Variants in STMN1 observed in about 807,000 individuals in gnomAD.
STMN1 encodes the protein stathmin.
Under a neutral mutation model 19.7 loss-of-function variants are expected in STMN1, and 3 were observed. The ratio of observed to expected loss-of-function variants is 0.15; its 90% CI spans 0.07 to 0.39. STMN1 has a LOEUF of 0.39. STMN1 is among the 10% of genes least tolerant of loss of function. The pLI, the probability that STMN1 is intolerant of heterozygous loss-of-function variation, is 1.00. For synonymous variants in STMN1, 59 were observed against 58.9 expected, an observed-to-expected ratio of 1.00 and a Z score of -0.01; for missense variants, 99 against 176.0, an observed-to-expected ratio of 0.56 and a Z score of 2.48.
rs549103907 is a variant in STMN1, at chr1:25,902,696, A to G, written c.186+945T>C. 4 of 152,346 alleles carry G rather than the reference A, an allele frequency of 2.6e-5. No individual in the cohort carries two copies. In the East Asian group the frequency reaches 5.8e-4, roughly 22 times the overall value. The allele number at this position is 152,346 out of a possible 1,614,324, so 9.4% of individuals were successfully genotyped here. On this transcript the variant is annotated intron_variant, in intron 3 of 4. Transcript: ENST00000455785. ...AGCACAGGCTAATGACTACAGGGCCAGGGTTGATGTCTAAAAAGCTTTCCA... is the reference window on the plus strand; with the variant it reads ...AGCACAGGCTAATGACTACAGGGCCGGGGTTGATGTCTAAAAAGCTTTCCA...
chr1:25,896,740 C>G (rs1278443813), downstream of STMN1, among the ~76,000 whole-genome samples: 1 of 152,202 alleles, frequency 6.6e-6, no homozygotes, highest in East Asian at 1.9e-4. Flanking sequence ...TTCCTACGCC[C>G]TTAAGTACAG....
chr1:25,901,277 C>CT (rs771895650), intron 4 of STMN1, 190 bp from the exon 5 acceptor site: 14 of 1,214,578 alleles, frequency 1.2e-5, no homozygotes, highest in Non-Finnish European at 1.3e-5. Flanking sequence ...CTTGTAGAAC[C>CT]TAACAAGCTG....
intron 1 of STMN1, 143 bp from the exon 2 acceptor site, chr1:25,904,881 T>A: frequency 2.0e-6 from 1 of 489,826 alleles, no homozygotes; most frequent in Non-Finnish European, 3.6e-6. Context: ...CGAAAAAAAT[T>A]ATCAAAATCT....
intron 4 of STMN1, among the ~76,000 whole-genome samples, chr1:25,887,005 C>T (rs2048727714): frequency 1.3e-5 from 2 of 152,140 alleles, no homozygotes; most frequent in African/African-American, 2.4e-5. Context: ...CTTGGATGCC[C>T]TTTCCTGTAC....
chr1:25,904,611 A>G (rs1449122526), intron 2 of STMN1, 53 bp downstream of exon 2: 6 of 1,555,566 alleles, frequency 3.9e-6, no homozygotes, highest in African/African-American at 2.7e-5. Context: ...AGCCATCTCA[A>G]TCTAAAATCA....
At position 25,900,439 on chromosome 1, in the gene STMN1, G is replaced by T. The variant is rs766002047; in HGVS notation, c.*577C>A. ...CCACACTGGGGCAAGAAACGGGGCA[G>T]AGAACGTGCGGTCATTTGTGCGTTG... On this transcript the variant is annotated 3_prime_UTR_variant, in exon 5 of 5. Coordinates refer to ENST00000455785, the MANE Select transcript of STMN1 (RefSeq NM_005563.4). 1.2e-4 allele frequency: 121 copies of T among 985,744 alleles called. No homozygotes were observed. Among genetic ancestry groups the T allele is most frequent in the Non-Finnish European group, 1.4e-4 (117 of 829,988 alleles). The allele number at this position is 985,744 out of a possible 1,614,324, so 61.1% of individuals were successfully genotyped here.
At chr1:25,903,890 C>T in intron 2 of STMN1, 77 bp from the exon 3 acceptor site, 1 of 1,443,864 alleles carries the variant, frequency 6.9e-7, no homozygotes, top group Non-Finnish European at 9.2e-7. Context: ...TTTTCTAAAA[C>T]CCAAATCAAT....
At chr1:25,898,667 C>T (rs188641633), downstream of STMN1, among the ~76,000 whole-genome samples, 6 of 152,376 alleles carry the variant, frequency 3.9e-5, no homozygotes, top group Admixed American at 1.3e-4. Context: ...CCTCATTTTC[C>T]ATTCAAGACA....
At chr1:25,888,161 C>T (rs958336446) in intron 4 of STMN1, among the ~76,000 whole-genome samples, 5 of 152,110 alleles carry the variant, frequency 3.3e-5, no homozygotes, top group African/African-American at 9.7e-5. Flanking sequence ...AGAACACCTC[C>T]GTCAGAGGTA....
At chr1:25,887,936 C>T (rs1460364706) in intron 4 of STMN1, among the ~76,000 whole-genome samples, 10 of 152,230 alleles carry the variant, frequency 6.6e-5, no homozygotes, top group Non-Finnish European at 1.5e-4. Context: ...CCACCCACCT[C>T]GGCCTCCCAA....
downstream of STMN1, among the ~76,000 whole-genome samples, chr1:25,897,675 C>A (rs1478246407): frequency 3.3e-5 from 5 of 152,014 alleles, no homozygotes; most frequent in South Asian, 1.0e-3. Flanking sequence ...TTGTTCCGGG[C>A]AACGAGGGGA....
downstream of STMN1, chr1:25,884,877 C>T (rs746567395): frequency 1.2e-4 from 18 of 153,554 alleles, no homozygotes; most frequent in Non-Finnish European, 1.8e-4. Context: ...CTTGCCAGAG[C>T]CCCTTGAACT....
chr1:25,884,979 A>G (rs1412543732), downstream of STMN1: 1 of 153,720 alleles, frequency 6.5e-6, no homozygotes, highest in Non-Finnish European at 1.5e-5. Flanking sequence ...TCCCTTTGGT[A>G]TCTACAGGAG....
upstream of STMN1, chr1:25,906,794 A>C (rs1222223765): frequency 1.3e-5 from 2 of 152,582 alleles, no homozygotes; most frequent in Non-Finnish European, 2.9e-5. This position sits in a 1 kb window ranked among gnomAD's most constrained non-coding sequence, Gnocchi z 4.5. Flanking sequence ...CTACCTTTCC[A>C]AACTTTGGCC....
At chr1:25,892,708 G>A (rs768285750) in intron 4 of STMN1, 9 of 527,942 alleles carry the variant, frequency 1.7e-5, no homozygotes, top group East Asian at 1.5e-4. Flanking sequence ...TTCCTGGCCC[G>A]GGCACACGGG....
intron 4 of STMN1, among the ~76,000 whole-genome samples, chr1:25,893,726 A>C (rs2124233999): frequency 6.6e-6 from 1 of 152,300 alleles, no homozygotes; most frequent in African/African-American, 2.4e-5. Flanking sequence ...TTTTTAGCAG[A>C]GACGGGGTTT....
downstream of STMN1, among the ~76,000 whole-genome samples, chr1:25,896,952 T>C (rs2048822546): frequency 6.6e-6 from 1 of 152,200 alleles, no homozygotes; most frequent in Non-Finnish European, 1.5e-5. Context: ...GAATCAGTCT[T>C]GGATTTGGAA....
intron 4 of STMN1, chr1:25,889,047 G>A: frequency 2.0e-6 from 1 of 489,002 alleles, no homozygotes; most frequent in Non-Finnish European, 4.1e-6. Context: ...GATGAAAACT[G>A]GCAATAAAAT....
At chr1:25,904,542 T>C (rs956991701) in intron 2 of STMN1, 122 bp downstream of exon 2, 4 of 780,796 alleles carry the variant, frequency 5.1e-6, no homozygotes, top group Non-Finnish European at 8.6e-6. Context: ...CTTCTCCTAT[T>C]CATAAAATAG....
Sources: allele counts gnomAD v4.1 joint callset (sites outside exome capture counted in the v4.1 genomes callset), GRCh38; gene constraint gnomAD v4.1.1; non-coding constraint Gnocchi (gnomAD v3.1); transcripts MANE v1.5; gene names NCBI Gene and HGNC (gene_info 2026-07-23, HGNC 2026-07-21).